The following SNX8 variants were observed in gnomAD, a reference collection of about 807,000 sequenced individuals.
SNX8 encodes sorting nexin-8.
SNX8 carries 25 observed loss-of-function variants against 51.6 expected under a neutral mutation model. The observed-to-expected ratio is 0.48, with a 90% CI of 0.35 to 0.68. The LOEUF (loss-of-function observed/expected upper bound fraction) is 0.68. Ranked by LOEUF, SNX8 falls within the 30% of genes least tolerant of loss-of-function variation. The pLI is 0.00. For missense variants in SNX8, 695 were observed against 624.0 expected, an observed-to-expected ratio of 1.11 and a Z score of -1.21; for synonymous variants, 324 against 277.0, an observed-to-expected ratio of 1.17 and a Z score of -1.68.
intron 1 of SNX8, among the ~76,000 whole-genome samples, chr7:2,291,567 TA>T (rs1796151422): frequency 6.7e-6 from 1 of 150,334 alleles, no homozygotes; most frequent in Non-Finnish European, 1.5e-5. Flanking sequence ...CACTGCACTC[TA>T]GCCTGGGTTA....
intron 1 of SNX8, among the ~76,000 whole-genome samples, chr7:2,299,660 A>G (rs772340633): frequency 2.6e-5 from 4 of 152,110 alleles, no homozygotes; most frequent in Non-Finnish European, 5.9e-5. Flanking sequence ...AATGCCACCC[A>G]TGCCTGGTTT....
At chr7:2,267,019 T>C (rs1356620452) in intron 5 of SNX8, among the ~76,000 whole-genome samples, 4 of 152,194 alleles carry the variant, frequency 2.6e-5, no homozygotes, top group Admixed American at 6.5e-5. Context: ...ACGAGGTGCC[T>C]GGAGGGCCTG....
At chr7:2,318,872 A>G (rs969646426), upstream of SNX8, among the ~76,000 whole-genome samples, 3 of 150,692 alleles carry the variant, frequency 2.0e-5, no homozygotes, top group Non-Finnish European at 3.0e-5. Flanking sequence ...GCCAGGCACA[A>G]TGGCACACAC....
rs752104666 is a variant in SNX8, at chr7:2,278,077, C to T, written c.300+23G>A. 7 of 1,604,580 alleles carry T rather than the reference C, an allele frequency of 4.4e-6. No homozygotes were observed. The Admixed American group carries it at 5.1e-5, about 12-fold the overall frequency. The stretch of plus-strand genomic sequence containing the variant: ...CCCTTTCTTCCCCCTCCTGCCCCGA[C>T]ACACACACAATTTGCCAGTTACCTG... On this transcript the variant is annotated intron_variant, in intron 2 of 10. Transcript: ENST00000222990.
At chr7:2,310,060 C>G (rs1796630866) in intron 1 of SNX8, 1 of 362,010 alleles carries the variant, frequency 2.8e-6, no homozygotes, top group South Asian at 2.1e-5. Context: ...CACCCTCGTT[C>G]TAAAGAGTCA....
chr7:2,268,454 G>T (rs1406656800), intron 5 of SNX8, among the ~76,000 whole-genome samples: 2 of 144,698 alleles, frequency 1.4e-5, no homozygotes, highest in African/African-American at 5.1e-5. Context: ...GGAGGTGGGG[G>T]GGGTCAGCCC....
At chr7:2,334,091 G>A (rs1048416467) in intron 1 of SNX8, among the ~76,000 whole-genome samples, 1 of 152,002 alleles carries the variant, frequency 6.6e-6, no homozygotes. Flanking sequence ...GCAACATAGG[G>A]AGCCTCAGTC....
upstream of SNX8, among the ~76,000 whole-genome samples, chr7:2,315,382 A>G (rs1192244073): frequency 7.0e-6 from 1 of 142,654 alleles, no homozygotes; most frequent in Non-Finnish European, 1.5e-5. Context: ...TGCATCCTGC[A>G]TTCATTCACC....
At chr7:2,282,495 T>G (rs115196069) in intron 1 of SNX8, among the ~76,000 whole-genome samples, 5,777 of 152,256 alleles carry the variant, frequency 0.038, 371 homozygotes, top group African/African-American at 0.13. Flanking sequence ...GCCTCACAAG[T>G]CTGTGAATCT....
chr7:2,294,333 CCCA>C (rs950831977), intron 1 of SNX8, among the ~76,000 whole-genome samples: 1 of 151,902 alleles, frequency 6.6e-6, no homozygotes, highest in Non-Finnish European at 1.5e-5. Flanking sequence ...TGTCACCACC[CCCA>C]CCACAATGGC....
At chr7:2,341,832 CA>C (rs1778931932) in intron 1 of SNX8, among the ~76,000 whole-genome samples, 1 of 151,732 alleles carries the variant, frequency 6.6e-6, no homozygotes, top group Non-Finnish European at 1.5e-5. Context: ...ACTAAAAATA[CA>C]AAAATTAGCC....
At chr7:2,343,871 T>G (rs939664897) in intron 1 of SNX8, among the ~76,000 whole-genome samples, 1 of 150,892 alleles carries the variant, frequency 6.6e-6, no homozygotes, top group Non-Finnish European at 1.5e-5. Flanking sequence ...AATACAAAAT[T>G]AGCCAGGCAC....
chr7:2,296,622 T>A (rs1796277792), intron 1 of SNX8, among the ~76,000 whole-genome samples: 1 of 151,980 alleles, frequency 6.6e-6, no homozygotes, highest in Non-Finnish European at 1.5e-5. Flanking sequence ...TTATTTAATG[T>A]GATGTAACAT....
intron 1 of SNX8, among the ~76,000 whole-genome samples, chr7:2,349,202 TC>T (rs1779092925): frequency 7.1e-6 from 1 of 141,136 alleles, no homozygotes. Flanking sequence ...AGGCTCCGTC[TC>T]AAAAACAAAA....
At chr7:2,301,522 C>G (rs1244006038) in intron 1 of SNX8, among the ~76,000 whole-genome samples, 1 of 152,190 alleles carries the variant, frequency 6.6e-6, no homozygotes, top group African/African-American at 2.4e-5. Context: ...ACCAGGGCAC[C>G]CAGAGCAGCA....
intron 9 of SNX8, 22 bp downstream of exon 9, chr7:2,257,343 G>A: frequency 6.3e-7 from 1 of 1,597,012 alleles, no homozygotes. Context: ...CCACGGGCCT[G>A]CTCGGCCGCC....
At position 2,257,521 on chromosome 7, in the gene SNX8, G is replaced by T. The variant is rs1306792307; in HGVS notation, c.985-7C>A. On this transcript the variant is annotated splice_polypyrimidine_tract_variant and splice_region_variant and intron_variant, in intron 8 of 10. Coordinates refer to ENST00000222990, the MANE Select transcript of SNX8 (RefSeq NM_013321.4). ...CATGCCGCTCGCACAGGTCCTGCGG[G>T]GCCGGGGGAGGCATTCGCCCGCTGT... The T allele has an allele frequency of 2.7e-5, 44 of 1,600,270 alleles. No individual in the cohort carries two copies. The highest frequency in any genetic ancestry group is 3.2e-5 in the Non-Finnish European group (38 of 1,177,466).
intron 1 of SNX8, among the ~76,000 whole-genome samples, chr7:2,283,145 A>G (rs986314481): frequency 4.0e-5 from 6 of 151,862 alleles, no homozygotes; most frequent in African/African-American, 1.5e-4. Context: ...AAACAAACAA[A>G]CAGGATTTAC....
intron 5 of SNX8, among the ~76,000 whole-genome samples, chr7:2,266,382 TG>T (rs2115107585): frequency 6.6e-6 from 1 of 151,736 alleles, no homozygotes; most frequent in African/African-American, 2.4e-5. Flanking sequence ...ATGGTGTCTC[TG>T]TCGTCCAGGC....
Sources: gnomAD v4.1 joint callset for allele counts (sites outside exome capture counted in the v4.1 genomes callset) on GRCh38, gnomAD v4.1.1 for gene constraint, MANE v1.5 for transcripts, NCBI Gene and HGNC (gene_info 2026-07-23, HGNC 2026-07-21) for gene names.